Variants in COL21A1 observed in about 807,000 individuals in gnomAD.
The protein encoded by COL21A1 is collagen type XXI alpha 1 chain.
Under a neutral mutation model 137.9 loss-of-function variants are expected in COL21A1, and 149 were observed. The observed-to-expected ratio is 1.08, with a 90% CI of 0.95 to 1.24. COL21A1 has a LOEUF of 1.24. COL21A1 is among the 50% of genes most tolerant of loss of function. The probability of loss-of-function intolerance (pLI) is 0.00; values close to 1 mark genes in which losing one functional copy is unlikely to be tolerated. For missense variants in COL21A1, 1,167 were observed against 1,158.4 expected (o/e 1.01, Z -0.11); for synonymous variants, 456 against 391.5 (o/e 1.16, Z -1.95).
intron 1 of COL21A1, among the ~76,000 whole-genome samples, chr6:56,337,519 T>C (rs747450558): frequency 1.3e-5 from 2 of 152,212 alleles, no homozygotes; most frequent in Non-Finnish European, 2.9e-5. Flanking sequence ...CCAATCCAGG[T>C]TTCTGGTTTA....
chr6:56,278,457 C>G (rs1410301870), intron 1 of COL21A1, among the ~76,000 whole-genome samples: 2 of 152,158 alleles, frequency 1.3e-5, no homozygotes, highest in Non-Finnish European at 2.9e-5. Context: ...TTCTGTGTGG[C>G]CTGTGGAGGG....
intron 1 of COL21A1, among the ~76,000 whole-genome samples, chr6:56,353,488 C>A (rs1765762921): frequency 6.6e-6 from 1 of 152,158 alleles, no homozygotes; most frequent in South Asian, 2.1e-4. Flanking sequence ...CAGTCCCAGA[C>A]ATTCCTACAG....
chr6:56,291,941 G>T (rs1764056576), intron 1 of COL21A1, among the ~76,000 whole-genome samples: 1 of 152,176 alleles, frequency 6.6e-6, no homozygotes, highest in Admixed American at 6.5e-5. Context: ...GCCAAGGTGG[G>T]CAGATCACCT....
intron 1 of COL21A1, among the ~76,000 whole-genome samples, chr6:56,221,229 G>A (rs150372443): frequency 4.5e-4 from 68 of 152,170 alleles, no homozygotes; most frequent in Non-Finnish European, 7.8e-4. Context: ...AAATTTCTCT[G>A]TGGCACCAAA....
chr6:56,272,634 T>C (rs1291467795), intron 1 of COL21A1, among the ~76,000 whole-genome samples: 1 of 152,060 alleles, frequency 6.6e-6, no homozygotes, highest in Non-Finnish European at 1.5e-5. Context: ...TCATCTCCAA[T>C]TGTAATCCCC....
At chr6:56,373,209 A>T (rs1434562041) in intron 1 of COL21A1, among the ~76,000 whole-genome samples, 3 of 152,242 alleles carry the variant, frequency 2.0e-5, no homozygotes, top group Non-Finnish European at 4.4e-5. Flanking sequence ...ATTTAGAGCC[A>T]TATTCCAGTT....
intron 1 of COL21A1, among the ~76,000 whole-genome samples, chr6:56,207,880 A>G (rs1025025230): frequency 6.6e-6 from 1 of 152,208 alleles, no homozygotes; most frequent in Non-Finnish European, 1.5e-5. Context: ...CTGATTCAAC[A>G]TACGCAAATC....
At chr6:56,245,737 C>T (rs970531869) in intron 1 of COL21A1, among the ~76,000 whole-genome samples, 1 of 152,220 alleles carries the variant, frequency 6.6e-6, no homozygotes, top group Non-Finnish European at 1.5e-5. Flanking sequence ...GTCTTGAACC[C>T]AGGTCTGCCT....
At chr6:56,167,938 G>C (rs1361221840) in intron 6 of COL21A1, among the ~76,000 whole-genome samples, 186 bp downstream of exon 6, 1 of 152,138 alleles carries the variant, frequency 6.6e-6, no homozygotes, top group Non-Finnish European at 1.5e-5. Flanking sequence ...AATAGATTAA[G>C]TCCAATTCTG....
At chr6:56,272,922 T>G (rs1465800242) in intron 1 of COL21A1, among the ~76,000 whole-genome samples, 17 of 152,168 alleles carry the variant, frequency 1.1e-4, no homozygotes, top group Admixed American at 1.1e-3. Flanking sequence ...TCAGGTAGTA[T>G]CTTTACAGCA....
At chr6:56,081,355 G>C (rs1767748520) in intron 17 of COL21A1, among the ~76,000 whole-genome samples, 1 of 151,576 alleles carries the variant, frequency 6.6e-6, no homozygotes, top group Admixed American at 6.6e-5. Context: ...CCCACTCGGG[G>C]ACGCCAACAA....
At chr6:56,064,446 C>T (rs981902895) in intron 24 of COL21A1, 132 bp downstream of exon 24, 3 of 600,364 alleles carry the variant, frequency 5.0e-6, no homozygotes, top group Non-Finnish European at 8.8e-6. Context: ...CATGTTCAAC[C>T]TTATATGCTT....
intron 1 of COL21A1, among the ~76,000 whole-genome samples, chr6:56,372,065 A>C (rs2093990321): frequency 6.6e-6 from 1 of 152,198 alleles, no homozygotes; most frequent in South Asian, 2.1e-4. Flanking sequence ...ATTCCCCCAG[A>C]GAATAAATCC....
chr6:56,188,957 T>G (rs531089764), intron 1 of COL21A1, among the ~76,000 whole-genome samples: 1 of 152,280 alleles, frequency 6.6e-6, no homozygotes, highest in South Asian at 2.1e-4. Flanking sequence ...GGACCCCATC[T>G]GAAGGTCACC....
chr6:56,147,868 C>T (rs1446525222), intron 10 of COL21A1, among the ~76,000 whole-genome samples: 1 of 152,186 alleles, frequency 6.6e-6, no homozygotes, highest in Non-Finnish European at 1.5e-5. Flanking sequence ...AGATACTCCG[C>T]AAGCCTGAGA....
chr6:56,280,875 G>T (rs1763772965), intron 1 of COL21A1, among the ~76,000 whole-genome samples: 1 of 152,062 alleles, frequency 6.6e-6, no homozygotes, highest in African/African-American at 2.4e-5. Context: ...ACGCAAAATA[G>T]CTGGGTGTGG....
intron 1 of COL21A1, among the ~76,000 whole-genome samples, chr6:56,320,574 C>T (rs1477784738): frequency 6.6e-6 from 1 of 151,774 alleles, no homozygotes; most frequent in African/African-American, 2.4e-5. Context: ...TTTCTTCTCT[C>T]TCCTACAGCC....
At chr6:56,350,422 G>A (rs1765687229) in intron 1 of COL21A1, among the ~76,000 whole-genome samples, 1 of 152,190 alleles carries the variant, frequency 6.6e-6, no homozygotes, top group South Asian at 2.1e-4. Flanking sequence ...GGAGGACAGG[G>A]CAGTGATTAT....
intron 17 of COL21A1, among the ~76,000 whole-genome samples, chr6:56,082,860 A>T (rs1297442199): frequency 6.6e-6 from 1 of 151,918 alleles, no homozygotes; most frequent in African/African-American, 2.4e-5. Flanking sequence ...TATCTTATTT[A>T]TAACCTCATA....
Sources: allele counts gnomAD v4.1 joint callset (sites outside exome capture counted in the v4.1 genomes callset), GRCh38; gene constraint gnomAD v4.1.1; transcripts MANE v1.5; gene names NCBI Gene and HGNC (gene_info 2026-07-23, HGNC 2026-07-21).